Variants in MFHAS1 observed in about 807,000 individuals in gnomAD.
MFHAS1 encodes the protein multifunctional ROCO family signaling regulator 1, also known as malignant fibrous histiocytoma-amplified sequence 1.
A neutral mutation model predicts 70.4 loss-of-function variants in MFHAS1; 50 were observed. The observed-to-expected ratio is 0.71, with a 90% confidence interval of 0.57 to 0.90. MFHAS1 has a LOEUF of 0.90. Among genes scored for constraint, MFHAS1 ranks in the 40% least tolerant of loss-of-function variants. MFHAS1 has a pLI of 0.00. For synonymous variants in MFHAS1, 952 were observed against 620.0 expected (o/e 1.54, Z -7.96); for missense variants, 1,795 against 1,347.6 (o/e 1.33, Z -5.20).
intron 2 of MFHAS1, 104 bp from the exon 3 acceptor site, chr8:8,786,159 C>T (rs929323447): frequency 1.8e-6 from 2 of 1,088,246 alleles, no homozygotes; most frequent in Admixed American, 1.8e-5. Context: ...ATTTTCTGCA[C>T]ATATTTTCAT....
intron 1 of MFHAS1, among the ~76,000 whole-genome samples, chr8:8,843,953 T>G (rs1272774069): frequency 2.0e-5 from 3 of 152,234 alleles, no homozygotes; most frequent in Non-Finnish European, 4.4e-5. Context: ...TCTTATTTTA[T>G]AAGGGATTGT....
In MFHAS1 at chr8:8,892,138, C is replaced by T; in HGVS notation, c.921G>A (p.Gln307=). 1 of 1,611,914 alleles carries T rather than the reference C, an allele frequency of 6.2e-7. No homozygotes were observed. ...AGATAAGGGATGGCACCGAGGTGAGCTGGTTGCGACTAAGGTAGAGCTCCT... is the reference window on the plus strand; with the variant it reads ...AGATAAGGGATGGCACCGAGGTGAGTTGGTTGCGACTAAGGTAGAGCTCCT... ...GLEELYLSRN[Q]LTSVPSLISG... is the part of the protein sequence containing the mutation. The change falls in exon 1 of 3, where the codon CAG becomes CAA. Residue 307 remains glutamine (Q), a synonymous_variant. Transcript: ENST00000276282. This position sits in a 1 kb window ranked among gnomAD's most constrained non-coding sequence, Gnocchi z 4.7.
chr8:8,834,784 A>T (rs1456116684), intron 1 of MFHAS1, among the ~76,000 whole-genome samples: 1 of 152,198 alleles, frequency 6.6e-6, no homozygotes, highest in Non-Finnish European at 1.5e-5. Context: ...ACATTATGCT[A>T]AGTAGAAGAA....
In MFHAS1 at chr8:8,793,816, G is replaced by T. The variant is rs558729278; in HGVS notation, c.3125+3549C>A. Among the ~76,000 whole-genome samples, 8 of 152,312 alleles carry T rather than the reference G, an allele frequency of 5.3e-5. No homozygotes were observed. The East Asian group carries it at 1.5e-3, about 29-fold the overall frequency. ...CGTGTACACACGTTAGACTCATCTG[G>T]GTGGCTTCTTCTGTTTTTTAGTGAC... is the stretch of plus-strand genomic sequence containing the variant. On this transcript the variant is annotated intron_variant, in intron 2 of 2. Transcript: ENST00000276282.
chr8:8,891,506 G>A lies in MFHAS1; in HGVS notation c.1553C>T (p.Ser518Phe), dbSNP rs763326843. ...EPRHFPTTVGSFLHRVGARVP... is the reference protein window; with the variant it reads ...EPRHFPTTVGFFLHRVGARVP... ...TCTCGCCCCGACCCGATGCAAGAAG[G>A]AGCCCACGGTGGTAGGAAAGTGGCG... is the stretch of plus-strand genomic sequence containing the variant. The change falls in exon 1 of 3, where the codon TCC becomes TTC. Residue 518 changes from serine (S) to phenylalanine (F), a missense_variant. Ser to Phe is a radical substitution (Grantham distance 155, BLOSUM62 -2). Coordinates refer to ENST00000276282, the MANE Select transcript of MFHAS1 (RefSeq NM_004225.3). The surrounding 1 kb of genome is among the most constrained non-coding windows in gnomAD (Gnocchi z 5.4). 8.1e-6 allele frequency: 13 copies of A among 1,612,998 alleles called. No homozygotes were observed. In the South Asian group the frequency reaches 8.8e-5, roughly 11 times the overall value.
At chr8:8,832,216 G>A (rs1457498564) in intron 1 of MFHAS1, among the ~76,000 whole-genome samples, 1 of 151,842 alleles carries the variant, frequency 6.6e-6, no homozygotes, top group Non-Finnish European at 1.5e-5. Flanking sequence ...CTAACCAGAA[G>A]ACTTCGACAA....
chr8:8,880,126 A>G (rs1041275281), intron 1 of MFHAS1, among the ~76,000 whole-genome samples: 1 of 152,112 alleles, frequency 6.6e-6, no homozygotes, highest in Non-Finnish European at 1.5e-5. Context: ...TCTCATCCAC[A>G]CTAAGAGGAT....
At chr8:8,879,255 G>A (rs1389724429) in intron 1 of MFHAS1, among the ~76,000 whole-genome samples, 6 of 152,076 alleles carry the variant, frequency 3.9e-5, no homozygotes, top group African/African-American at 1.4e-4. Context: ...GGGAGATGAG[G>A]CAGGAGAATC....
rs1255801540 is a variant in MFHAS1, at chr8:8,844,252, G to A, written c.2998+45809C>T. ...TCCTTCCATAGGAGCCCTAAAAACT[G>A]TATGATTCTAAGTCAGTTAATCATT... On this transcript the variant is annotated intron_variant, in intron 1 of 2. Coordinates refer to ENST00000276282, the MANE Select transcript of MFHAS1 (RefSeq NM_004225.3). Among the ~76,000 whole-genome samples, 5 of 152,114 alleles carry A rather than the reference G, an allele frequency of 3.3e-5. No homozygotes were observed. In the East Asian group the frequency reaches 9.6e-4, roughly 29 times the overall value.
At chr8:8,851,731 T>C (rs1056314379) in intron 1 of MFHAS1, among the ~76,000 whole-genome samples, 5 of 152,318 alleles carry the variant, frequency 3.3e-5, no homozygotes, top group Admixed American at 2.6e-4. Context: ...AACTAAAGAA[T>C]GTATTTAAAA....
intron 1 of MFHAS1, among the ~76,000 whole-genome samples, chr8:8,832,309 AATAC>A (rs545520596): frequency 8.5e-4 from 130 of 152,264 alleles, no homozygotes; most frequent in African/African-American, 3.0e-3. Context: ...ACATGTTTGT[AATAC>A]ATACATCTGG....
intron 1 of MFHAS1, among the ~76,000 whole-genome samples, chr8:8,876,689 T>C (rs1007449980): frequency 3.3e-5 from 5 of 151,862 alleles, no homozygotes; most frequent in African/African-American, 9.7e-5. Context: ...TAAGTTTTTA[T>C]AAAGGGGAAA....
At chr8:8,793,469 C>T (rs748018028) in intron 2 of MFHAS1, among the ~76,000 whole-genome samples, 2 of 152,214 alleles carry the variant, frequency 1.3e-5, no homozygotes, top group Admixed American at 6.5e-5. Context: ...AGATCCAGAT[C>T]AGCCACCTAA....
chr8:8,797,723 G>A (rs1190313884), intron 1 of MFHAS1, among the ~76,000 whole-genome samples: 1 of 152,264 alleles, frequency 6.6e-6, no homozygotes, highest in African/African-American at 2.4e-5. Flanking sequence ...GTTATGGCAG[G>A]AAGGCCCACA....
intron 2 of MFHAS1, among the ~76,000 whole-genome samples, chr8:8,786,766 G>A (rs116448632): frequency 0.014 from 2,089 of 151,344 alleles, 43 homozygotes; most frequent in African/African-American, 0.048. Flanking sequence ...GGAAAAAGGA[G>A]TTACGATTCG....
chr8:8,883,917 G>T (rs1032369164), intron 1 of MFHAS1, among the ~76,000 whole-genome samples: 1 of 151,688 alleles, frequency 6.6e-6, no homozygotes, highest in Admixed American at 6.6e-5. Context: ...AAAAATACTG[G>T]TTGGGTATGG....
chr8:8,809,707 T>A (rs185864057), intron 1 of MFHAS1, among the ~76,000 whole-genome samples: 106 of 152,256 alleles, frequency 7.0e-4, no homozygotes, highest in African/African-American at 2.3e-3. Context: ...TCAAAGACAG[T>A]TGGGGAGAGG....
chr8:8,841,367 C>T (rs560829006), intron 1 of MFHAS1, among the ~76,000 whole-genome samples: 2 of 151,734 alleles, frequency 1.3e-5, no homozygotes, highest in African/African-American at 4.8e-5. Context: ...CCCAGCTACT[C>T]GGGAGGCTGA....
At chr8:8,801,196 T>C (rs994015872) in intron 1 of MFHAS1, among the ~76,000 whole-genome samples, 6 of 150,754 alleles carry the variant, frequency 4.0e-5, no homozygotes, top group African/African-American at 1.5e-4. Context: ...GCCTGGACGA[T>C]GGGGTGAGAC....
Sources: gnomAD v4.1 joint callset for allele counts (sites outside exome capture counted in the v4.1 genomes callset) on GRCh38, gnomAD v4.1.1 for gene constraint, Gnocchi (gnomAD v3.1) non-coding constraint, MANE v1.5 for transcripts, NCBI Gene and HGNC (gene_info 2026-07-23, HGNC 2026-07-21) for gene names.